Variants in ABR observed in about 807,000 individuals in gnomAD.
ABR encodes ABR activator of RhoGEF and GTPase.
ABR carries 35 observed loss-of-function variants against 107.2 expected under a neutral mutation model. The observed-to-expected ratio is 0.33, with a 90% confidence interval of 0.25 to 0.43. The LOEUF (loss-of-function observed/expected upper bound fraction) is 0.43, where lower values mean the gene tolerates loss of function less well. Among genes scored for constraint, ABR ranks in the 20% least tolerant of loss-of-function variants. The probability of loss-of-function intolerance (pLI) is 1.00; values close to 1 mark genes in which losing one functional copy is unlikely to be tolerated. For synonymous variants in ABR, 498 were observed against 462.0 expected (o/e 1.08, Z -1.00); for missense variants, 815 against 1,115.2 (o/e 0.73, Z 3.83).
intron 4 of ABR, among the ~76,000 whole-genome samples, chr17:1,091,419 C>A (rs2037022580): frequency 6.6e-6 from 1 of 152,162 alleles, no homozygotes; most frequent in Non-Finnish European, 1.5e-5. Context: ...CCTGGAAGGA[C>A]CTATCCACAC....
rs1352084300 is a variant in ABR, at chr17:1,150,500, T to G, written c.62-25133A>C. On this transcript the variant is annotated intron_variant, in intron 1 of 22. Transcript: ENST00000302538. The surrounding 1 kb of genome is among the most constrained non-coding windows in gnomAD (Gnocchi z 4.8). ...GGAGCTGCAAGCAGCGGCACACGTG[T>G]GGGCAATACACAGGTTGCCCAAGCG... Among the ~76,000 whole-genome samples the G allele has an allele frequency of 6.6e-6, 1 of 152,110 alleles. No individual in the cohort carries two copies. Among genetic ancestry groups the G allele is most frequent in the Non-Finnish European group, 1.5e-5 (1 of 68,006 alleles).
intron 16 of ABR, among the ~76,000 whole-genome samples, chr17:1,032,868 G>C (rs142488431): frequency 6.6e-6 from 1 of 152,152 alleles, no homozygotes; most frequent in Non-Finnish European, 1.5e-5. Flanking sequence ...ACCCCAGCAC[G>C]GCACAGAAAG....
chr17:1,168,971 G>A (rs912734422), intron 1 of ABR, among the ~76,000 whole-genome samples: 7 of 152,346 alleles, frequency 4.6e-5, no homozygotes, highest in Middle Eastern at 3.4e-3. Flanking sequence ...TGCTGGCCTC[G>A]ACCAAGTCAA....
chr17:1,079,205 G>T, intron 6 of ABR, 125 bp downstream of exon 6: 1 of 1,490,706 alleles, frequency 6.7e-7, no homozygotes, highest in Non-Finnish European at 9.0e-7. Context: ...GCTCACACAC[G>T]CTCACGCTCA....
At chr17:1,109,219 C>CTAGTCCA (rs1252569322) in intron 2 of ABR, 10 of 1,070,866 alleles carry the variant, frequency 9.3e-6, no homozygotes, top group Non-Finnish European at 1.2e-5. Flanking sequence ...CATCCCGGAC[C>CTAGTCCA]TAGTCCAGCC....
At chr17:1,073,698 A>T (rs751161430) in intron 6 of ABR, 21 bp from the exon 7 acceptor site, 1 of 1,593,326 alleles carries the variant, frequency 6.3e-7, no homozygotes, top group East Asian at 2.2e-5. Context: ...AGACAGGGAG[A>T]AGGAGGAAGA....
intron 6 of ABR, 174 bp downstream of exon 6, chr17:1,079,156 G>A (rs917279169): frequency 7.6e-6 from 11 of 1,448,094 alleles, no homozygotes; most frequent in Middle Eastern, 5.1e-4. Context: ...TAGAGTCCTC[G>A]CGTGCGCGCA....
At chr17:1,045,209 T>A (rs1330141428) in intron 16 of ABR, among the ~76,000 whole-genome samples, 1 of 152,272 alleles carries the variant, frequency 6.6e-6, no homozygotes, top group Admixed American at 6.5e-5. Flanking sequence ...ACATTGCTTT[T>A]GGAATTAAAA....
intron 1 of ABR, among the ~76,000 whole-genome samples, chr17:1,149,200 C>T (rs1034004910): frequency 2.0e-5 from 3 of 151,760 alleles, no homozygotes; most frequent in African/African-American, 4.8e-5. Context: ...ACCTAGCGCC[C>T]GGCCTATTTT....
intron 4 of ABR, among the ~76,000 whole-genome samples, chr17:1,085,255 G>A (rs980652607): frequency 1.3e-4 from 19 of 151,590 alleles, no homozygotes; most frequent in African/African-American, 4.6e-4. Context: ...TGGGACTACA[G>A]GCGCCCGCCA....
In ABR at chr17:1,078,821, G is replaced by C; in HGVS notation, c.700+509C>G. 1 of 1,535,618 alleles carries C rather than the reference G, an allele frequency of 6.5e-7. No homozygotes were observed. Among genetic ancestry groups the C allele is most frequent in the Non-Finnish European group, 8.7e-7 (1 of 1,146,848 alleles). On this transcript the variant is annotated intron_variant, in intron 6 of 22. Transcript: ENST00000302538. This position sits in a 1 kb window ranked among gnomAD's most constrained non-coding sequence, Gnocchi z 7.5. The stretch of plus-strand genomic sequence containing the variant: ...AGCGAGCACCTGGGTTACCATAGGT[G>C]CAGTTACAGCAGAAGCGAATAATGA...
intron 16 of ABR, among the ~76,000 whole-genome samples, chr17:1,030,926 C>T (rs1233016356): frequency 1.3e-5 from 2 of 152,230 alleles, no homozygotes; most frequent in Non-Finnish European, 2.9e-5. Context: ...GTGCCTGATG[C>T]CAGGGCCCCA....
Position 1,037,285 on chromosome 17 carries a change from C to T in ABR, c.1791+12765G>A, listed in dbSNP as rs2073269769. On this transcript the variant is annotated intron_variant, in intron 16 of 22. Transcript: ENST00000302538. This position sits in a 1 kb window ranked among gnomAD's most constrained non-coding sequence, Gnocchi z 4.6. ...CCTCCCAACTCCCCAAAGGCCTGTGCCGGCTCATAGGGCAGTCCCGAGTAC... is the reference window on the plus strand; with the variant it reads ...CCTCCCAACTCCCCAAAGGCCTGTGTCGGCTCATAGGGCAGTCCCGAGTAC... 6.6e-6 allele frequency among the ~76,000 whole-genome samples: 1 copy of T among 152,240 alleles called. No homozygotes were observed. The highest frequency in any genetic ancestry group is 6.5e-5 in the Admixed American group (1 of 15,288).
intron 17 of ABR, 98 bp from the exon 18 acceptor site, chr17:1,012,895 G>T (rs367556057): frequency 8.8e-7 from 1 of 1,142,620 alleles, no homozygotes; most frequent in African/African-American, 1.5e-5. Flanking sequence ...CTGCAAATGA[G>T]GGCTAGCTCA....
intron 16 of ABR, among the ~76,000 whole-genome samples, chr17:1,026,797 C>T (rs937601708): frequency 2.6e-5 from 4 of 152,236 alleles, no homozygotes; most frequent in Non-Finnish European, 4.4e-5. Context: ...ACAGCACCTG[C>T]TGACCAGTTC....
chr17:1,083,797 T>C (rs978771478), intron 4 of ABR, 170 bp from the exon 5 acceptor site: 14 of 610,794 alleles, frequency 2.3e-5, no homozygotes, highest in African/African-American at 3.7e-5. Flanking sequence ...AGTGTCCCTT[T>C]GAACTGGACA....
intron 1 of ABR, among the ~76,000 whole-genome samples, chr17:1,225,543 T>C (rs1279474551): frequency 6.6e-6 from 1 of 152,014 alleles, no homozygotes; most frequent in Non-Finnish European, 1.5e-5. Flanking sequence ...TCCCAGCTAC[T>C]CAGGAGGCTG....
At chr17:1,023,058 G>A (rs55773012) in intron 16 of ABR, among the ~76,000 whole-genome samples, 1,878 of 96,346 alleles carry the variant, frequency 0.019, 131 homozygotes, top group African/African-American at 0.082. Context: ...CCCCACGTCC[G>A]CTCCAGCGCC....
intron 1 of ABR, among the ~76,000 whole-genome samples, chr17:1,155,222 G>C (rs1019038077): frequency 1.3e-5 from 2 of 152,102 alleles, no homozygotes; most frequent in Non-Finnish European, 2.9e-5. Flanking sequence ...ACAGATCCAC[G>C]GAGTCACGTT....
Sources: gnomAD v4.1 joint callset for allele counts (sites outside exome capture counted in the v4.1 genomes callset) on GRCh38, gnomAD v4.1.1 for gene constraint, Gnocchi (gnomAD v3.1) non-coding constraint, MANE v1.5 for transcripts, NCBI Gene and HGNC (gene_info 2026-07-23, HGNC 2026-07-21) for gene names.